Variants in ZNF516 observed in about 807,000 individuals in gnomAD.
ZNF516 encodes the protein zinc finger protein 516.
ZNF516 carries 19 observed loss-of-function variants against 79.7 expected under a neutral mutation model. The observed-to-expected ratio is 0.24, with a 90% CI of 0.17 to 0.35. The LOEUF (loss-of-function observed/expected upper bound fraction) is 0.35. Ranked by LOEUF, ZNF516 falls within the 10% of genes least tolerant of loss-of-function variation. The pLI is 1.00. For synonymous variants in ZNF516, 877 were observed against 739.5 expected, an observed-to-expected ratio of 1.19 and a Z score of -3.02; for missense variants, 1,678 against 1,679.5, an observed-to-expected ratio of 1.00 and a Z score of 0.02.
At chr18:76,431,134 C>A (rs1489054944) in intron 3 of ZNF516, among the ~76,000 whole-genome samples, 1 of 151,962 alleles carries the variant, frequency 6.6e-6, no homozygotes, top group Non-Finnish European at 1.5e-5. Context: ...CCGACAAATC[C>A]CTCATGAAAA....
At position 76,379,487 on chromosome 18, in the gene ZNF516, G is replaced by A. The variant is rs1459764819; in HGVS notation, c.2627C>T (p.Ala876Val). Reference sequence around the variant, plus strand: ...CCCGTCAGGGCCGGGCGCCCACAGAGCGCAGGGACCTCCGGAATGGCTCTC... The same window carrying A: ...CCCGTCAGGGCCGGGCGCCCACAGAACGCAGGGACCTCCGGAATGGCTCTC... ...NKESHSGGPC[A>V]LWAPGPDGYR... The change falls in exon 4 of 7, where the codon GCT becomes GTT. Residue 876 changes from alanine (A) to valine (V), a missense_variant. Ala to Val is a moderately conservative substitution (Grantham distance 64, BLOSUM62 0). Around this residue, in one of 5 missense-constraint regions of ZNF516, gnomAD observed 1,294 missense variants for 1,248.3 expected, o/e 1.04. Transcript: ENST00000443185. The A allele has an allele frequency of 6.2e-7, 1 of 1,613,722 alleles. No homozygotes were observed. The highest frequency in any genetic ancestry group is 1.1e-5 in the South Asian group (1 of 91,088).
At chr18:76,439,783 G>A (rs1355389404) in intron 3 of ZNF516, among the ~76,000 whole-genome samples, 2 of 151,858 alleles carry the variant, frequency 1.3e-5, no homozygotes, top group African/African-American at 4.8e-5. Context: ...CATAGTCCTA[G>A]CCCAATATTT....
At chr18:76,440,702 T>C (rs1482115220) in intron 3 of ZNF516, among the ~76,000 whole-genome samples, 2 of 151,592 alleles carry the variant, frequency 1.3e-5, no homozygotes, top group Non-Finnish European at 2.9e-5. Flanking sequence ...AAGATAGTCT[T>C]CTACCCAGCT....
rs538018622 is a variant in ZNF516, at chr18:76,462,463, C to A, written c.-158+565G>T. ...TCTCAGCAGAGAGATTAGCGGTCCA[C>A]CTCATTAAAGACCTGCCTGGTAACA... On this transcript the variant is annotated intron_variant, in intron 2 of 6. Transcript: ENST00000443185. Among the ~76,000 whole-genome samples the A allele has an allele frequency of 7.2e-5, 11 of 152,324 alleles. No homozygotes were observed. In the East Asian group the frequency reaches 2.1e-3, roughly 29 times the overall value.
rs537991995 is a variant in ZNF516, at chr18:76,453,259, T to C, written c.-158+9769A>G. 6.6e-5 allele frequency among the ~76,000 whole-genome samples: 10 copies of C among 152,312 alleles called. No individual in the cohort carries two copies. The East Asian group carries it at 1.9e-3, about 29-fold the overall frequency. On this transcript the variant is annotated intron_variant, in intron 2 of 6. Transcript: ENST00000443185. ...ATCCAGGCTTCTGGAGCAGCCAGCA[T>C]TGCTAGTATAGTTAATGATCTTGTC...
chr18:76,364,655 G>T (rs2074586943), intron 6 of ZNF516, among the ~76,000 whole-genome samples: 1 of 152,164 alleles, frequency 6.6e-6, no homozygotes, highest in Admixed American at 6.5e-5. Flanking sequence ...GTATGTAGTG[G>T]TGGGTGTGGA....
chr18:76,429,848 C>A (rs1406771493), intron 3 of ZNF516, among the ~76,000 whole-genome samples: 1 of 152,162 alleles, frequency 6.6e-6, no homozygotes, highest in Non-Finnish European at 1.5e-5. Flanking sequence ...CGCACGGCTA[C>A]CAGGCTGTTC....
intron 1 of ZNF516, among the ~76,000 whole-genome samples, chr18:76,471,855 AAACT>A (rs1913862274): frequency 1.3e-5 from 2 of 152,104 alleles, no homozygotes; most frequent in Admixed American, 6.5e-5. Context: ...GGCCCCACCC[AAACT>A]GTCTACCCTG....
intron 1 of ZNF516, chr18:76,492,633 C>T: frequency 1.3e-6 from 1 of 787,914 alleles, no homozygotes; most frequent in Non-Finnish European, 1.5e-6. Context: ...GTTCCATCAT[C>T]ACCTGAACCA....
intron 1 of ZNF516, among the ~76,000 whole-genome samples, chr18:76,469,034 G>C (rs11662423): frequency 6.6e-6 from 1 of 152,028 alleles, no homozygotes; most frequent in South Asian, 2.1e-4. Context: ...TTCCCAGCCC[G>C]ATTTTAAAGG....
rs950067760 is a variant in ZNF516, at chr18:76,360,560, C to T, written c.*1938G>A. ...AGTTGTTTAACTGTATCTGCATGGACATTCCTAATTACACCAACAGGACAG... is the reference window on the plus strand; with the variant it reads ...AGTTGTTTAACTGTATCTGCATGGATATTCCTAATTACACCAACAGGACAG... On this transcript the variant is annotated 3_prime_UTR_variant, in exon 7 of 7. Transcript: ENST00000443185. 1.4e-5 allele frequency: 2 copies of T among 145,864 alleles called. No individual in the cohort carries two copies. Among genetic ancestry groups the T allele is most frequent in the African/African-American group, 2.5e-5 (1 of 39,228 alleles). The allele number at this position is 145,864 out of a possible 1,614,324, so 9.0% of individuals were successfully genotyped here.
intron 3 of ZNF516, among the ~76,000 whole-genome samples, chr18:76,413,256 G>C (rs889600683): frequency 6.6e-6 from 1 of 152,178 alleles, no homozygotes; most frequent in African/African-American, 2.4e-5. Context: ...TGTAGTGGAA[G>C]AACTTTAAGT....
intron 3 of ZNF516, among the ~76,000 whole-genome samples, chr18:76,440,740 G>GTT (rs373704644): frequency 6.6e-4 from 34 of 51,870 alleles, no homozygotes; most frequent in East Asian, 1.6e-3. Flanking sequence ...GTGTGTGTGT[G>GTT]TTTGTGTGTG....
At chr18:76,414,850 C>T (rs2075413231) in intron 3 of ZNF516, among the ~76,000 whole-genome samples, 1 of 152,230 alleles carries the variant, frequency 6.6e-6, no homozygotes, top group Non-Finnish European at 1.5e-5. Flanking sequence ...ACAGACACCA[C>T]ACATTCTTAA....
intron 3 of ZNF516, among the ~76,000 whole-genome samples, chr18:76,405,712 G>GC (rs1037799485): frequency 1.3e-5 from 2 of 151,810 alleles, no homozygotes; most frequent in African/African-American, 4.8e-5. Flanking sequence ...TTTACCAAAC[G>GC]CCCCCGGTTG....
rs8097855 is a variant in ZNF516 at position 76,434,987 on chromosome 18, G to A, written c.1810+6258C>T. 8.0e-3 allele frequency among the ~76,000 whole-genome samples: 1,225 copies of A among 152,302 alleles called. 15 individuals carry two copies. The highest frequency in any genetic ancestry group is 0.027 in the African/African-American group (1,123 of 41,556). ...TCATGTGCCCTCCACCAATGATGCCGTGTTTGAGCAATGCACACACCATTC... is the reference window on the plus strand; with the variant it reads ...TCATGTGCCCTCCACCAATGATGCCATGTTTGAGCAATGCACACACCATTC... On this transcript the variant is annotated intron_variant, in intron 3 of 6. Coordinates refer to ENST00000443185, the MANE Select transcript of ZNF516 (RefSeq NM_014643.4).
chr18:76,445,292 C>T (rs1599104315), intron 2 of ZNF516, among the ~76,000 whole-genome samples: 1 of 152,076 alleles, frequency 6.6e-6, no homozygotes, highest in African/African-American at 2.4e-5. Context: ...TTAAAACTTC[C>T]CCCAAAACTG....
chr18:76,473,827 A>C (rs1184086264), intron 1 of ZNF516, among the ~76,000 whole-genome samples: 4 of 148,236 alleles, frequency 2.7e-5, no homozygotes, highest in Non-Finnish European at 1.5e-5. Flanking sequence ...TAGCTATCTT[A>C]TAATCATAAA....
chr18:76,402,349 AG>A (rs2075241885), intron 3 of ZNF516, among the ~76,000 whole-genome samples: 1 of 152,082 alleles, frequency 6.6e-6, no homozygotes, highest in Non-Finnish European at 1.5e-5. Context: ...CCCAGAGGAC[AG>A]GAAGGGTCCC....
Sources: gnomAD v4.1 joint callset for allele counts (sites outside exome capture counted in the v4.1 genomes callset) on GRCh38, gnomAD v4.1.1 for gene constraint, gnomAD v4.1.1 regional missense constraint, MANE v1.5 for transcripts, NCBI Gene and HGNC (gene_info 2026-07-23, HGNC 2026-07-21) for gene names.